The following ABCA1 variants were observed in gnomAD, a reference collection of about 807,000 sequenced individuals.
The protein encoded by ABCA1 is phospholipid-transporting ATPase ABCA1.
Under a neutral mutation model 262.5 loss-of-function variants are expected in ABCA1, and 133 were observed. The observed-to-expected ratio is 0.51, with a 90% CI of 0.44 to 0.59. The LOEUF (loss-of-function observed/expected upper bound fraction) is 0.59, where lower values mean the gene tolerates loss of function less well. Ranked by LOEUF, ABCA1 falls within the 20% of genes least tolerant of loss-of-function variation. The pLI is 0.00. For synonymous variants in ABCA1, 1,022 were observed against 1,043.5 expected, an observed-to-expected ratio of 0.98 and a Z score of 0.40; for missense variants, 2,452 against 2,777.5, an observed-to-expected ratio of 0.88 and a Z score of 2.63.
chr9:104,866,120 G>A (rs1212920621), intron 5 of ABCA1, among the ~76,000 whole-genome samples: 2 of 152,116 alleles, frequency 1.3e-5, no homozygotes, highest in African/African-American at 2.4e-5. Context: ...TGATGACAAC[G>A]ACCAGGACAT....
chr9:104,923,261 G>T (rs2516313), intron 1 of ABCA1, among the ~76,000 whole-genome samples: 58,556 of 152,014 alleles, frequency 0.39, 11,639 homozygotes, highest in East Asian at 0.65. Context: ...TTGTTTCTTA[G>T]GCCCTTACAG....
At chr9:104,908,312 T>C (rs1841293854) in intron 1 of ABCA1, among the ~76,000 whole-genome samples, 1 of 152,192 alleles carries the variant, frequency 6.6e-6, no homozygotes, top group Admixed American at 6.5e-5. Flanking sequence ...ATAGAAGCCT[T>C]ATACAGAATA....
rs779114859 is a variant in ABCA1 at position 104,818,682 on chromosome 9, G to A, written c.3443C>T (p.Thr1148Ile). 27 of 1,613,126 alleles carry A rather than the reference G, an allele frequency of 1.7e-5. No individual in the cohort carries two copies. Among genetic ancestry groups the A allele is most frequent in the Non-Finnish European group, 2.2e-5 (26 of 1,180,032 alleles). ...GCTCACCTTTTTCAGGTATGACACA[G>A]TGCTACTACTGTTTCTGCAGGAACT... ...SLSSCRNSSS[T>I]VSYLKKEDSV... The change falls in exon 23 of 50, where the codon ACT becomes ATT. Residue 1148 changes from threonine (T) to isoleucine (I), a missense_variant. Physicochemically the swap from Thr to Ile is moderately conservative, Grantham distance 89. This residue lies in a region of ABCA1 where 665 missense variants were observed against 727.3 expected (regional missense o/e 0.91). Coordinates refer to ENST00000374736, the MANE Select transcript of ABCA1 (RefSeq NM_005502.4).
At chr9:104,827,193 A>G (rs1422691616) in intron 15 of ABCA1, 24 bp from the exon 16 acceptor site, 3 of 1,588,798 alleles carry the variant, frequency 1.9e-6, no homozygotes, top group Non-Finnish European at 1.7e-6. Flanking sequence ...GACACATCAA[A>G]TGTGCTGCCT....
intron 2 of ABCA1, among the ~76,000 whole-genome samples, chr9:104,901,265 C>T (rs1287276404): frequency 6.6e-6 from 1 of 152,190 alleles, no homozygotes; most frequent in East Asian, 1.9e-4. Context: ...TGAGGCTCGG[C>T]CCTAGTCCTG....
chr9:104,783,905 G>A lies in ABCA1; in HGVS notation c.*410C>T. ...ATGGCATGGCTTAGTGAATGAGGAT[G>A]TGCATTACCTTTTGATTTTGATCAA... On this transcript the variant is annotated 3_prime_UTR_variant, in exon 50 of 50. Transcript: ENST00000374736. 1 of 188,548 alleles carries A rather than the reference G, an allele frequency of 5.3e-6. No homozygotes were observed. Among genetic ancestry groups the A allele is most frequent in the Non-Finnish European group, 1.1e-5 (1 of 89,874 alleles). The allele number at this position is 188,548 out of a possible 1,614,324, so 11.7% of individuals were successfully genotyped here.
chr9:104,798,326 A>AT, intron 37 of ABCA1, 95 bp downstream of exon 37: 1 of 1,451,124 alleles, frequency 6.9e-7, no homozygotes, highest in Admixed American at 1.7e-5. Context: ...TAGCTGGAAC[A>AT]TTTCCTGATG....
rs557626075 is a variant in ABCA1, at chr9:104,882,028, T to TAAAAAAAAAAAAAAAAAAA, written c.421+992_421+1010dup. 3.3e-3 allele frequency among the ~76,000 whole-genome samples: 246 copies of TAAAAAAAAAAAAAAAAAAA among 73,728 alleles called. 16 individuals carry two copies. The highest frequency in any genetic ancestry group is 6.2e-3 in the East Asian group (11 of 1,774). The allele number at this position is 73,728 out of a possible 152,430, so 48.4% of individuals were successfully genotyped here. A position where few individuals can be genotyped will look rare whatever the true frequency, so the allele number is the denominator to read the frequency against. On this transcript the variant is annotated intron_variant, in intron 5 of 49. Transcript: ENST00000374736. ...CAAGGAAAGCACAGTTCTGTAGCCT[T>TAAAAAAAAAAAAAAAAAAA]AAAAAAAAAAAAAAAAAAAAAAAAA...
Position 104,809,461 on chromosome 9 carries a change from C to T in ABCA1, c.4274+5G>A. The T allele has an allele frequency of 8.1e-6, 13 of 1,614,044 alleles. No individual in the cohort carries two copies. Among genetic ancestry groups the T allele is most frequent in the Non-Finnish European group, 1.1e-5 (13 of 1,179,926 alleles). On this transcript the variant is annotated splice_donor_5th_base_variant and intron_variant, in intron 30 of 49. Coordinates refer to ENST00000374736, the MANE Select transcript of ABCA1 (RefSeq NM_005502.4). ...AAGCCTGCTTATGGCTAAAGTGGCA[C>T]TCACGGGATTGGGTTTCCTTCCATA...
intron 2 of ABCA1, among the ~76,000 whole-genome samples, chr9:104,891,725 C>A (rs145842792): frequency 1.4e-5 from 2 of 147,088 alleles, no homozygotes; most frequent in African/African-American, 5.0e-5. Flanking sequence ...CAGAACTTTG[C>A]GAGGCCAAGG....
intron 7 of ABCA1, among the ~76,000 whole-genome samples, chr9:104,852,895 A>C (rs138289311): frequency 4.0e-4 from 61 of 152,306 alleles, no homozygotes; most frequent in African/African-American, 1.4e-3. Context: ...TGCATGTAAC[A>C]AGCTGAAGTA....
At chr9:104,839,155 G>A (rs73519894) in intron 9 of ABCA1, among the ~76,000 whole-genome samples, 1 of 152,178 alleles carries the variant, frequency 6.6e-6, no homozygotes, top group African/African-American at 2.4e-5. Context: ...CTGCTGCCAC[G>A]AGGCATACGG....
rs4149293 is a variant in ABCA1 at position 104,846,227 on chromosome 9, A to T, written c.721-658T>A. Among the ~76,000 whole-genome samples, 11 of 152,364 alleles carry T rather than the reference A, an allele frequency of 7.2e-5. No homozygotes were observed. The East Asian group carries it at 2.1e-3, about 29-fold the overall frequency. On this transcript the variant is annotated intron_variant, in intron 7 of 49. Transcript: ENST00000374736. ...CAGAAAGCATAAGCTAAAGAAAAAA[A>T]AGAACAATAATTTACAGACTGTGAA...
At chr9:104,911,188 G>A (rs1029554956) in intron 1 of ABCA1, among the ~76,000 whole-genome samples, 2 of 152,170 alleles carry the variant, frequency 1.3e-5, no homozygotes, top group Admixed American at 1.3e-4. Flanking sequence ...AAATACATTG[G>A]TGCCAAAGCT....
intron 2 of ABCA1, among the ~76,000 whole-genome samples, chr9:104,900,411 G>A (rs1317053794): frequency 1.3e-5 from 2 of 152,144 alleles, no homozygotes; most frequent in African/African-American, 2.4e-5. Context: ...CAGGAACTGT[G>A]CAATGAACAT....
chr9:104,916,165 G>A (rs12350560), intron 1 of ABCA1, among the ~76,000 whole-genome samples: 16,545 of 151,928 alleles, frequency 0.11, 1,111 homozygotes, highest in African/African-American at 0.19. Flanking sequence ...GTGAACTCAA[G>A]GTTTTCACTA....
In ABCA1 at chr9:104,800,658, T is replaced by A. The variant is rs112161989; in HGVS notation, c.4699-74A>T. 2,266 of 1,364,814 alleles carry A rather than the reference T, an allele frequency of 1.7e-3. 43 individuals are homozygous for A. In the African/African-American group the frequency reaches 0.029, roughly 17 times the overall value. The allele number at this position is 1,364,814 out of a possible 1,614,324, so 84.5% of individuals were successfully genotyped here. A position where few individuals can be genotyped will look rare whatever the true frequency, so the allele number is the denominator to read the frequency against. ...GGGGCAACAGTCAATCTGGAACCTG[T>A]GGACAACAGGACGGCCCTGTGAAGA... On this transcript the variant is annotated intron_variant, in intron 34 of 49. Coordinates refer to ENST00000374736, the MANE Select transcript of ABCA1 (RefSeq NM_005502.4).
intron 37 of ABCA1, among the ~76,000 whole-genome samples, chr9:104,796,743 C>CT (rs1285367594): frequency 6.6e-6 from 1 of 152,188 alleles, no homozygotes; most frequent in Non-Finnish European, 1.5e-5. Context: ...AAATAAGCCT[C>CT]TATTCTTCTT....
chr9:104,863,812 T>G (rs560841318), intron 5 of ABCA1, among the ~76,000 whole-genome samples: 140 of 152,362 alleles, frequency 9.2e-4, no homozygotes, highest in Non-Finnish European at 1.6e-3. Flanking sequence ...ACCTACCTGA[T>G]GCTTCCCATC....
Sources: allele counts gnomAD v4.1 joint callset (sites outside exome capture counted in the v4.1 genomes callset), GRCh38; gene constraint gnomAD v4.1.1; regional missense constraint gnomAD v4.1.1; transcripts MANE v1.5; gene names NCBI Gene and HGNC (gene_info 2026-07-23, HGNC 2026-07-21).